Variants in CSNK1G1 observed in about 807,000 individuals in gnomAD.
The protein encoded by CSNK1G1 is casein kinase 1 gamma 1, also known as casein kinase I isoform gamma-1.
CSNK1G1 carries 22 observed loss-of-function variants against 59.6 expected under a neutral mutation model. The ratio of observed to expected loss-of-function variants is 0.37; its 90% CI spans 0.26 to 0.53. CSNK1G1 has a LOEUF of 0.53. Ranked by LOEUF, CSNK1G1 falls within the 20% of genes least tolerant of loss-of-function variation. The pLI, the probability that CSNK1G1 is intolerant of heterozygous loss-of-function variation, is 0.89. For missense variants in CSNK1G1, 384 were observed against 519.5 expected (o/e 0.74, Z 2.54); for synonymous variants, 179 against 177.1 (o/e 1.01, Z -0.08).
In CSNK1G1 at chr15:64,170,388, G is replaced by C. The variant is rs1338131328; in HGVS notation, c.*1543C>G. ...AGATAATTTCAGACCTTTCATTCCA[G>C]TCTCCTTTTCCCTGGAATGTTCCAG... On this transcript the variant is annotated 3_prime_UTR_variant, in exon 12 of 12. Transcript: ENST00000303052. 1 of 152,528 alleles carries C rather than the reference G, an allele frequency of 6.6e-6. No individual in the cohort carries two copies. Among genetic ancestry groups the C allele is most frequent in the African/African-American group, 2.4e-5 (1 of 41,428 alleles). The allele number at this position is 152,528 out of a possible 1,614,324, so 9.4% of individuals were successfully genotyped here.
rs1171464654 is a variant in CSNK1G1 at position 64,180,442 on chromosome 15, T to C, written c.1120A>G (p.Thr374Ala). ...TCATCAACATTCAGCTCTCCATTGG[T>C]TGAGCTAACCACCTGAAACAGAAAG... ...QPLRNQVVSSTNGELNVDDPT... is the reference protein window; with the variant it reads ...QPLRNQVVSSANGELNVDDPT... The change falls in exon 11 of 12, where the codon ACC becomes GCC. Residue 374 changes from threonine (T) to alanine (A), a missense_variant. Thr to Ala is a moderately conservative substitution (Grantham distance 58, BLOSUM62 0). Around this residue, in one of 3 missense-constraint regions of CSNK1G1, gnomAD observed 325 missense variants for 440.9 expected, o/e 0.74. Transcript: ENST00000303052. The C allele has an allele frequency of 1.2e-6, 2 of 1,613,442 alleles. No homozygotes were observed. The highest frequency in any genetic ancestry group is 2.7e-5 in the African/African-American group (2 of 74,894).
rs1198122320 is a variant in CSNK1G1 at position 64,213,978 on chromosome 15, G to A, written c.591C>T (p.Pro197=). 13 of 1,613,932 alleles carry A rather than the reference G, an allele frequency of 8.1e-6. No homozygotes were observed. The highest frequency in any genetic ancestry group is 3.3e-5 in the South Asian group (3 of 91,062). Residue 197 remains proline, a synonymous_variant, in exon 6 of 12, where the codon CCC becomes CCT. Coordinates refer to ENST00000303052, the MANE Select transcript of CSNK1G1 (RefSeq NM_022048.5). ...TATAAGGTATGTGTTTTTTGGTTTC[G>A]GGGTCAATGTATTCCTTGGCCAGTC... is the stretch of plus-strand genomic sequence containing the variant. The part of the protein sequence containing the change: ...DFGLAKEYID[P]ETKKHIPYRE...
chr15:64,184,176 G>A (rs1453324346), intron 10 of CSNK1G1, among the ~76,000 whole-genome samples: 1 of 151,914 alleles, frequency 6.6e-6, no homozygotes, highest in African/African-American at 2.4e-5. Flanking sequence ...GGTGGCACAC[G>A]TCTGTAGTCC....
At chr15:64,293,387 A>G (rs1894846194) in intron 2 of CSNK1G1, among the ~76,000 whole-genome samples, 1 of 152,242 alleles carries the variant, frequency 6.6e-6, no homozygotes, top group East Asian at 1.9e-4. Flanking sequence ...ACACATACAC[A>G]TTTAAGTAAT....
intron 2 of CSNK1G1, among the ~76,000 whole-genome samples, chr15:64,274,879 G>A (rs750810572): frequency 2.6e-5 from 4 of 152,172 alleles, no homozygotes; most frequent in South Asian, 4.1e-4. Context: ...AGTGAAAATA[G>A]TACATGTATA....
chr15:64,179,084 CA>C (rs2140207725), intron 11 of CSNK1G1, among the ~76,000 whole-genome samples: 1 of 140,648 alleles, frequency 7.1e-6, no homozygotes, highest in East Asian at 2.0e-4. Context: ...ATGAGTTCAT[CA>C]AATAGACTGG....
chr15:64,290,864 C>A (rs1894700578), intron 2 of CSNK1G1, among the ~76,000 whole-genome samples: 1 of 152,198 alleles, frequency 6.6e-6, no homozygotes, highest in African/African-American at 2.4e-5. Context: ...CAGGCGCCCA[C>A]AACCATGCCT....
rs2140187777 is a variant in CSNK1G1 at position 64,165,789 on chromosome 15, C to A, written c.*6142G>T. On this transcript the variant is annotated 3_prime_UTR_variant, in exon 12 of 12. Transcript: ENST00000303052. ...ATACAAAAAGGGTGCAAACTGAGTC[C>A]TTTCCTCCCCAAACTGGGGAAGAGG... The A allele has an allele frequency of 2.5e-6, 1 of 395,888 alleles. No individual in the cohort carries two copies. The highest frequency in any genetic ancestry group is 4.5e-6 in the Non-Finnish European group (1 of 224,074). The allele number at this position is 395,888 out of a possible 1,614,324, so 24.5% of individuals were successfully genotyped here. A position where few individuals can be genotyped will look rare whatever the true frequency, so the allele number is the denominator to read the frequency against.
Position 64,166,517 on chromosome 15 carries a change from A to G in CSNK1G1, c.*5414T>C, listed in dbSNP as rs2081604673. On this transcript the variant is annotated 3_prime_UTR_variant, in exon 12 of 12. Transcript: ENST00000303052. The surrounding 1 kb of genome is among the most constrained non-coding windows in gnomAD (Gnocchi z 4.5). ...TTGGGCTGGGTCTTTATGGAAGTGAAATGCACATAGATGAACACACGCACT... is the reference window on the plus strand; with the variant it reads ...TTGGGCTGGGTCTTTATGGAAGTGAGATGCACATAGATGAACACACGCACT... 6.5e-6 allele frequency: 1 copy of G among 153,106 alleles called. No individual in the cohort carries two copies. Among genetic ancestry groups the G allele is most frequent in the South Asian group, 2.1e-4 (1 of 4,868 alleles). 9.5% of individuals were successfully genotyped at this position (153,106 alleles called of 1,614,324 possible). A position where few individuals can be genotyped will look rare whatever the true frequency, so the allele number is the denominator to read the frequency against.
At chr15:64,339,867 G>A (rs1307704048) in intron 1 of CSNK1G1, among the ~76,000 whole-genome samples, 3 of 152,136 alleles carry the variant, frequency 2.0e-5, no homozygotes, top group Non-Finnish European at 4.4e-5. Flanking sequence ...CTCAACTAGA[G>A]AATGGTCTTT....
intron 3 of CSNK1G1, among the ~76,000 whole-genome samples, chr15:64,253,957 C>T (rs772991480): frequency 4.6e-5 from 7 of 151,928 alleles, no homozygotes; most frequent in African/African-American, 9.7e-5. Flanking sequence ...CTGGACAACA[C>T]GGTGAAACCC....
In CSNK1G1 at chr15:64,207,603, G is replaced by C. The variant is rs375049057; in HGVS notation, c.680-9C>G. ...ATCTCTCCGGCTTTGCTCTAAAAGGGAAGACAGATCACACATTATGTTTGC... is the reference window on the plus strand; with the variant it reads ...ATCTCTCCGGCTTTGCTCTAAAAGGCAAGACAGATCACACATTATGTTTGC... On this transcript the variant is annotated splice_polypyrimidine_tract_variant and intron_variant, in intron 6 of 11. Coordinates refer to ENST00000303052, the MANE Select transcript of CSNK1G1 (RefSeq NM_022048.5). The C allele has an allele frequency of 4.5e-5, 72 of 1,603,228 alleles. No individual in the cohort carries two copies. The highest frequency in any genetic ancestry group is 5.6e-5 in the Non-Finnish European group (65 of 1,170,226).
intron 1 of CSNK1G1, among the ~76,000 whole-genome samples, chr15:64,337,249 C>T (rs1897435965): frequency 6.6e-6 from 1 of 151,982 alleles, no homozygotes; most frequent in African/African-American, 2.4e-5. Flanking sequence ...AACAAAAAAA[C>T]AAAAGCAAGC....
At chr15:64,279,940 C>T (rs1894029718) in intron 2 of CSNK1G1, among the ~76,000 whole-genome samples, 1 of 146,928 alleles carries the variant, frequency 6.8e-6, no homozygotes, top group Admixed American at 6.9e-5. Context: ...CCACTGCACT[C>T]AAGCCTGGGC....
intron 1 of CSNK1G1, among the ~76,000 whole-genome samples, chr15:64,319,916 G>GTTT (rs1896469049): frequency 1.5e-5 from 2 of 133,292 alleles, no homozygotes; most frequent in African/African-American, 2.8e-5. Flanking sequence ...GTAGATCAGG[G>GTTT]CTTTTTTTTT....
chr15:64,304,349 C>T (rs1895544398), intron 1 of CSNK1G1, among the ~76,000 whole-genome samples: 1 of 127,476 alleles, frequency 7.8e-6, no homozygotes, highest in African/African-American at 3.0e-5. Flanking sequence ...CGCCATTGAA[C>T]TCCAGCCTGG....
intron 1 of CSNK1G1, among the ~76,000 whole-genome samples, chr15:64,327,319 G>A (rs1185894382): frequency 4.7e-5 from 7 of 150,000 alleles, no homozygotes; most frequent in African/African-American, 1.7e-4. Flanking sequence ...GCACGCAGCT[G>A]GAGATCTGAG....
intron 10 of CSNK1G1, among the ~76,000 whole-genome samples, chr15:64,198,730 A>T (rs750071487): frequency 1.1e-5 from 1 of 94,168 alleles, no homozygotes; most frequent in Non-Finnish European, 2.0e-5. Flanking sequence ...AAATTTTCTT[A>T]AAAAAAAAAA....
chr15:64,350,087 C>T (rs1357571160), intron 1 of CSNK1G1, among the ~76,000 whole-genome samples: 1 of 152,064 alleles, frequency 6.6e-6, no homozygotes, highest in East Asian at 1.9e-4. Context: ...TCAGAAGAAG[C>T]TTCTTTTCTG....
Sources: allele counts gnomAD v4.1 joint callset (sites outside exome capture counted in the v4.1 genomes callset), GRCh38; gene constraint gnomAD v4.1.1; regional missense constraint gnomAD v4.1.1; non-coding constraint Gnocchi (gnomAD v3.1); transcripts MANE v1.5; gene names NCBI Gene and HGNC (gene_info 2026-07-23, HGNC 2026-07-21).